BEND5: variants seen among roughly 807,000 people sequenced by gnomAD.
BEND5 encodes the protein BEN domain-containing protein 5.
Under a neutral mutation model 43.9 loss-of-function variants are expected in BEND5, and 22 were observed. That is an observed-to-expected ratio of 0.50 (90% CI 0.36 to 0.72). The LOEUF (loss-of-function observed/expected upper bound fraction) is 0.72, where lower values mean the gene tolerates loss of function less well. Ranked by LOEUF, BEND5 falls within the 30% of genes least tolerant of loss-of-function variation. The pLI is 0.00. For missense variants in BEND5, 428 were observed against 550.6 expected (o/e 0.78, Z 2.23); for synonymous variants, 228 against 225.9 (o/e 1.01, Z -0.08).
chr1:48,749,575 C>A (rs1271416995), intron 3 of BEND5, among the ~76,000 whole-genome samples: 1 of 152,180 alleles, frequency 6.6e-6, no homozygotes, highest in Admixed American at 6.5e-5. Context: ...CTGTACTTTC[C>A]AGAGCTTCTT....
intron 1 of BEND5, among the ~76,000 whole-genome samples, chr1:48,766,654 C>T (rs1400543513): frequency 6.6e-6 from 1 of 152,190 alleles, no homozygotes; most frequent in Middle Eastern, 3.2e-3. Flanking sequence ...GCAGATAGCA[C>T]CTTGATTCAC....
At chr1:48,745,272 A>G (rs1173536968) in intron 3 of BEND5, among the ~76,000 whole-genome samples, 1 of 152,206 alleles carries the variant, frequency 6.6e-6, no homozygotes, top group African/African-American at 2.4e-5. Context: ...AGGCATGGAC[A>G]GGTGGGAAGC....
chr1:48,771,196 C>A (rs548264270), intron 1 of BEND5, among the ~76,000 whole-genome samples: 1 of 152,272 alleles, frequency 6.6e-6, no homozygotes, highest in South Asian at 2.1e-4. Context: ...GAAAATGTCT[C>A]CAGATTACGA....
At chr1:48,733,947 A>G (rs1359640831) in intron 5 of BEND5, among the ~76,000 whole-genome samples, 3 of 152,138 alleles carry the variant, frequency 2.0e-5, no homozygotes, top group Non-Finnish European at 4.4e-5. Flanking sequence ...ATTTTATACC[A>G]TGTGATAATG....
At chr1:48,746,765 A>C (rs1290078689) in intron 3 of BEND5, among the ~76,000 whole-genome samples, 1 of 152,184 alleles carries the variant, frequency 6.6e-6, no homozygotes, top group Admixed American at 6.5e-5. Flanking sequence ...CAAAATGGGG[A>C]TTACCAAAAG....
In BEND5 at chr1:48,759,063, C is replaced by A; in HGVS notation, c.582G>T (p.Gln194His). ...EELLRNYQQQ[Q>H]EEMRHLQQEL... ...CCTGCTGGAGGTGGCGCATCTCTTC[C>A]TGTTGCTGCTGGTAGTTGCGCAGCA... Residue 194 changes from glutamine (Q) to histidine (H), a missense_variant, in exon 3 of 6, where the codon CAG becomes CAT. Physicochemically the swap from Gln to His is conservative, Grantham distance 24. Around this residue, in one of 4 missense-constraint regions of BEND5, gnomAD observed 243 missense variants for 286.4 expected, o/e 0.85. Coordinates refer to ENST00000371833, the MANE Select transcript of BEND5 (RefSeq NM_024603.4). The A allele has an allele frequency of 6.2e-7, 1 of 1,613,540 alleles. No individual in the cohort carries two copies. The highest frequency in any genetic ancestry group is 1.3e-5 in the African/African-American group (1 of 75,058).
intron 2 of BEND5, among the ~76,000 whole-genome samples, chr1:48,760,185 C>T (rs977312675): frequency 6.6e-6 from 1 of 152,168 alleles, no homozygotes; most frequent in African/African-American, 2.4e-5. Flanking sequence ...GGACCCCCTC[C>T]AGAGCTTGGG....
chr1:48,772,490 G>T (rs1644887388), intron 1 of BEND5, among the ~76,000 whole-genome samples: 1 of 152,168 alleles, frequency 6.6e-6, no homozygotes, highest in African/African-American at 2.4e-5. Context: ...GCGAGAGAGT[G>T]TGTTCACAGA....
At chr1:48,757,019 A>C (rs570647841) in intron 3 of BEND5, among the ~76,000 whole-genome samples, 3 of 152,320 alleles carry the variant, frequency 2.0e-5, no homozygotes, top group South Asian at 4.1e-4. Context: ...TTTAGGACTA[A>C]AAGAGGCATA....
At chr1:48,770,866 C>T (rs1416282177) in intron 1 of BEND5, among the ~76,000 whole-genome samples, 1 of 152,176 alleles carries the variant, frequency 6.6e-6, no homozygotes, top group Non-Finnish European at 1.5e-5. Context: ...CCACCACCAC[C>T]TTAGTTTAGG....
At chr1:48,771,864 T>C (rs529865646) in intron 1 of BEND5, among the ~76,000 whole-genome samples, 2 of 152,310 alleles carry the variant, frequency 1.3e-5, no homozygotes, top group East Asian at 3.9e-4. Context: ...GGAAGCTATT[T>C]CCCCCAAGTG....
chr1:48,742,035 G>C (rs1183020469), intron 4 of BEND5, among the ~76,000 whole-genome samples: 1 of 152,156 alleles, frequency 6.6e-6, no homozygotes, highest in Non-Finnish European at 1.5e-5. Flanking sequence ...TGTTTTCAAG[G>C]TCATATAAAT....
chr1:48,768,403 A>G (rs954497511), intron 1 of BEND5, among the ~76,000 whole-genome samples: 10 of 152,232 alleles, frequency 6.6e-5, no homozygotes, highest in African/African-American at 2.4e-4. Context: ...CTTGTAAAAA[A>G]AATGGTAAAA....
chr1:48,754,427 A>G (rs1339776247), intron 3 of BEND5, among the ~76,000 whole-genome samples: 1 of 152,216 alleles, frequency 6.6e-6, no homozygotes, highest in East Asian at 1.9e-4. Flanking sequence ...CCTGGAACAA[A>G]GGATACCCTC....
intron 3 of BEND5, among the ~76,000 whole-genome samples, chr1:48,751,192 G>C (rs1651681014): frequency 6.6e-6 from 1 of 152,156 alleles, no homozygotes; most frequent in South Asian, 2.1e-4. Flanking sequence ...TGTCCAATTG[G>C]TATCTTGAGG....
intron 1 of BEND5, among the ~76,000 whole-genome samples, chr1:48,765,410 G>T (rs1316067479): frequency 6.6e-6 from 1 of 152,056 alleles, no homozygotes; most frequent in Admixed American, 6.6e-5. Flanking sequence ...AAAAATAAAA[G>T]GAAAATAACA....
At position 48,742,620 on chromosome 1, in the gene BEND5, T is replaced by C. The variant is rs1650086797; in HGVS notation, c.894+3A>G. 1 of 1,549,662 alleles carries C rather than the reference T, an allele frequency of 6.5e-7. No homozygotes were observed. The highest frequency in any genetic ancestry group is 8.7e-7 in the Non-Finnish European group (1 of 1,143,082). ...GGAATGGATATTGAGCTTAAAACAC[T>C]ACCTTGCCATTGTCTAGGATATACT... On this transcript the variant is annotated splice_donor_region_variant and intron_variant, in intron 4 of 5. Transcript: ENST00000371833.
intron 1 of BEND5, among the ~76,000 whole-genome samples, chr1:48,769,962 A>G (rs1014623892): frequency 1.1e-4 from 16 of 152,206 alleles, no homozygotes; most frequent in African/African-American, 3.6e-4. Flanking sequence ...GAAATGATCT[A>G]GAAGTCATCT....
intron 2 of BEND5, 137 bp from the exon 3 acceptor site, chr1:48,759,421 T>C (rs1570551346): frequency 6.6e-6 from 9 of 1,357,830 alleles, no homozygotes; most frequent in Non-Finnish European, 7.7e-6. Flanking sequence ...TGCAAACACT[T>C]AGTCAAAGCC....
Sources: allele counts gnomAD v4.1 joint callset (sites outside exome capture counted in the v4.1 genomes callset), GRCh38; gene constraint gnomAD v4.1.1; regional missense constraint gnomAD v4.1.1; transcripts MANE v1.5; gene names NCBI Gene and HGNC (gene_info 2026-07-23, HGNC 2026-07-21).